SHANK2: variants seen among roughly 807,000 people sequenced by gnomAD.
SHANK2 encodes the protein SH3 and multiple ankyrin repeat domains protein 2.
A neutral mutation model predicts 133.7 loss-of-function variants in SHANK2; 43 were observed. That is an observed-to-expected ratio of 0.32 (90% CI 0.25 to 0.41). The LOEUF (loss-of-function observed/expected upper bound fraction) is 0.41. Among genes scored for constraint, SHANK2 ranks in the 10% least tolerant of loss-of-function variants. The pLI, the probability that SHANK2 is intolerant of heterozygous loss-of-function variation, is 1.00. For missense variants in SHANK2, 1,994 were observed against 2,235.8 expected (o/e 0.89, Z 2.18); for synonymous variants, 1,017 against 952.8 (o/e 1.07, Z -1.24).
rs57053746 is a variant in SHANK2, at chr11:70,898,312, A to AC, written c.1108-1746_1108-1745insG. On this transcript the variant is annotated intron_variant, in intron 10 of 25. Coordinates refer to ENST00000601538, the MANE Select transcript of SHANK2 (RefSeq NM_012309.5). ...CACACACACACACACACACACACACATATATATATGTGTATATATATATAT... is the reference window on the plus strand; with the variant it reads ...CACACACACACACACACACACACACACTATATATATGTGTATATATATATAT... 5.8e-4 allele frequency among the ~76,000 whole-genome samples: 84 copies of AC among 145,048 alleles called. 1 individual carries two copies. Among genetic ancestry groups the AC allele is most frequent in the African/African-American group, 2.2e-3 (80 of 36,668 alleles).
At chr11:70,826,318 C>G in intron 11 of SHANK2, 1 of 400,410 alleles carries the variant, frequency 2.5e-6, no homozygotes, top group Non-Finnish European at 5.1e-6. Context: ...CAAACCGTAT[C>G]CCAAACCAAA....
At chr11:71,103,046 A>G (rs1951742361) in intron 6 of SHANK2, among the ~76,000 whole-genome samples, 2 of 152,210 alleles carry the variant, frequency 1.3e-5, no homozygotes, top group Admixed American at 1.3e-4. Flanking sequence ...CCTCTTTTGT[A>G]AGGGCACTAA....
chr11:71,193,226 G>A (rs140865343), intron 2 of SHANK2, among the ~76,000 whole-genome samples: 50 of 152,256 alleles, frequency 3.3e-4, no homozygotes, highest in African/African-American at 1.2e-3. Flanking sequence ...CACCAGAACC[G>A]GCTGAGAGGG....
rs115996698 is a variant in SHANK2 at position 70,849,801 on chromosome 11, A to G, written c.1175-29119T>C. ...GTGATCTGGGGTCCATGATCTCCCTACGTTATCTCTTTTTTTAAAAAAAAT... is the reference window on the plus strand; with the variant it reads ...GTGATCTGGGGTCCATGATCTCCCTGCGTTATCTCTTTTTTTAAAAAAAAT... On this transcript the variant is annotated intron_variant, in intron 11 of 25. Transcript: ENST00000601538. Among the ~76,000 whole-genome samples, 1,008 of 152,308 alleles carry G rather than the reference A, an allele frequency of 6.6e-3. 10 individuals carry two copies. Among genetic ancestry groups the G allele is most frequent in the African/African-American group, 0.022 (911 of 41,564 alleles).
At chr11:70,803,007 G>A (rs1555050882) in intron 13 of SHANK2, among the ~76,000 whole-genome samples, 1 of 152,164 alleles carries the variant, frequency 6.6e-6, no homozygotes, top group South Asian at 2.1e-4. Context: ...GGGCCAAAAA[G>A]TAGAGAGGGA....
chr11:70,717,505 A>G (rs1387334684), intron 14 of SHANK2, among the ~76,000 whole-genome samples: 4 of 152,208 alleles, frequency 2.6e-5, no homozygotes, highest in Non-Finnish European at 5.9e-5. Flanking sequence ...CGGGGCGCCC[A>G]GCAAGCAGGA....
intron 17 of SHANK2, among the ~76,000 whole-genome samples, chr11:70,568,168 A>G (rs562719209): frequency 1.4e-4 from 22 of 152,374 alleles, no homozygotes; most frequent in African/African-American, 5.3e-4. Flanking sequence ...TAACCTAGAA[A>G]GCAGGCCCGC....
chr11:71,103,025 A>T (rs1161113069), intron 6 of SHANK2, among the ~76,000 whole-genome samples: 3 of 152,304 alleles, frequency 2.0e-5, no homozygotes, highest in Non-Finnish European at 4.4e-5. Flanking sequence ...GGAGCGAGGG[A>T]GCTCTCTCTG....
chr11:70,487,495 G>A lies in SHANK2; in HGVS notation c.2798C>T (p.Ser933Phe), dbSNP rs1555154506. ...AFNQNSAAKV[S>F]PATRSDTVAT... Reference sequence around the variant, plus strand: ...CACGGTGTCGGACCTGGTGGCGGGGGACACCTTGGCGGCAGAATTCTGATT... The same window carrying A: ...CACGGTGTCGGACCTGGTGGCGGGGAACACCTTGGCGGCAGAATTCTGATT... The change falls in exon 25 of 26, where the codon TCC (serine) becomes TTC (phenylalanine). Residue 933 changes from serine to phenylalanine, a missense_variant. Transcript: ENST00000601538. This position sits in a 1 kb window ranked among gnomAD's most constrained non-coding sequence, Gnocchi z 5.8. 3.7e-6 allele frequency: 6 copies of A among 1,613,856 alleles called. No individual in the cohort carries two copies. Among genetic ancestry groups the A allele is most frequent in the Non-Finnish European group, 5.1e-6 (6 of 1,180,028 alleles).
intron 14 of SHANK2, among the ~76,000 whole-genome samples, chr11:70,724,291 C>T (rs1399254728): frequency 4.6e-5 from 7 of 152,290 alleles, no homozygotes; most frequent in African/African-American, 1.7e-4. Context: ...CTGCCTCAGC[C>T]TCCCAAAGTG....
At chr11:70,576,569 G>A (rs531177292) in intron 17 of SHANK2, among the ~76,000 whole-genome samples, 15 of 152,144 alleles carry the variant, frequency 9.9e-5, no homozygotes, top group East Asian at 1.9e-4. Flanking sequence ...CCCGGGAGGC[G>A]GAGCTTGCAG....
At chr11:70,518,354 C>T (rs564237160) in intron 17 of SHANK2, among the ~76,000 whole-genome samples, 1 of 152,302 alleles carries the variant, frequency 6.6e-6, no homozygotes, top group South Asian at 2.1e-4. Flanking sequence ...AACAGAGAAC[C>T]TGTCTCAAAC....
At chr11:70,944,494 G>A (rs570165884) in intron 10 of SHANK2, among the ~76,000 whole-genome samples, 2 of 152,326 alleles carry the variant, frequency 1.3e-5, no homozygotes, top group South Asian at 2.1e-4. Flanking sequence ...CTCTGGGACC[G>A]TCTCACTGAT....
intron 18 of SHANK2, 65 bp downstream of exon 18, chr11:70,502,731 G>GGCCCCCCCC: frequency 1.4e-6 from 1 of 700,462 alleles, no homozygotes; most frequent in South Asian, 1.6e-5. Context: ...CAGCTGTCCT[G>GGCCCCCCCC]CCCGCCCCCA....
intron 14 of SHANK2, among the ~76,000 whole-genome samples, chr11:70,719,446 A>G (rs1178937926): frequency 6.6e-6 from 1 of 152,100 alleles, no homozygotes; most frequent in Non-Finnish European, 1.5e-5. Flanking sequence ...GGGGATGAGG[A>G]TGGAGCTGGG....
chr11:70,717,954 C>T (rs1434997492), intron 14 of SHANK2, among the ~76,000 whole-genome samples: 3 of 152,172 alleles, frequency 2.0e-5, no homozygotes, highest in African/African-American at 7.2e-5. Flanking sequence ...ACTGAACATC[C>T]AAATCAGCTG....
At chr11:70,664,991 C>T (rs1944652713) in intron 15 of SHANK2, among the ~76,000 whole-genome samples, 1 of 152,206 alleles carries the variant, frequency 6.6e-6, no homozygotes, top group Non-Finnish European at 1.5e-5. Flanking sequence ...AGGCAAGCAG[C>T]ACATGTTCAT....
At chr11:70,529,346 C>T (rs1390738089) in intron 17 of SHANK2, among the ~76,000 whole-genome samples, 2 of 152,232 alleles carry the variant, frequency 1.3e-5, no homozygotes, top group Admixed American at 1.3e-4. Context: ...GTGACTTGGC[C>T]AAGGCCACAC....
chr11:71,149,318 G>A (rs1257653002), intron 2 of SHANK2, among the ~76,000 whole-genome samples: 41 of 152,148 alleles, frequency 2.7e-4, no homozygotes, highest in African/African-American at 1.2e-4. Context: ...TGTCAGCCCC[G>A]CCCTGGAGGA....
Sources: gnomAD v4.1 joint callset for allele counts (sites outside exome capture counted in the v4.1 genomes callset) on GRCh38, gnomAD v4.1.1 for gene constraint, Gnocchi (gnomAD v3.1) non-coding constraint, MANE v1.5 for transcripts, NCBI Gene and HGNC (gene_info 2026-07-23, HGNC 2026-07-21) for gene names.